SH3BP5: variants seen among roughly 807,000 people sequenced by gnomAD.
The protein encoded by SH3BP5 is SH3 domain binding protein 5, also known as SH3 domain-binding protein 5.
SH3BP5 carries 22 observed loss-of-function variants against 43.3 expected under a neutral mutation model. The observed-to-expected ratio is 0.51, with a 90% confidence interval of 0.36 to 0.73. SH3BP5 has a LOEUF of 0.73. Among genes scored for constraint, SH3BP5 ranks in the 30% least tolerant of loss-of-function variants. SH3BP5 has a pLI of 0.00. For synonymous variants in SH3BP5, 255 were observed against 225.8 expected, an observed-to-expected ratio of 1.13 and a Z score of -1.16; for missense variants, 529 against 586.9, an observed-to-expected ratio of 0.90 and a Z score of 1.02.
At chr3:15,321,933 G>A (rs532610029) in intron 2 of SH3BP5, among the ~76,000 whole-genome samples, 4 of 152,232 alleles carry the variant, frequency 2.6e-5, no homozygotes, top group African/African-American at 9.6e-5. Flanking sequence ...GGCCAGGCAC[G>A]GTGGCTCATG....
intron 2 of SH3BP5, among the ~76,000 whole-genome samples, chr3:15,313,621 C>T (rs1698113853): frequency 2.0e-5 from 3 of 152,226 alleles, no homozygotes; most frequent in African/African-American, 7.2e-5. Flanking sequence ...GCTACTAGAA[C>T]ACACAAAGAA....
chr3:15,332,215 G>T, intron 1 of SH3BP5, 56 bp downstream of exon 1: 1 of 1,546,802 alleles, frequency 6.5e-7, no homozygotes, highest in Non-Finnish European at 8.7e-7. Context: ...CGTAGACACC[G>T]ACCTCCGTAG....
Position 15,309,759 on chromosome 3 carries a change from G to C in SH3BP5, c.202-5528C>G, listed in dbSNP as rs2125119218. Among the ~76,000 whole-genome samples, 2 of 152,258 alleles carry C rather than the reference G, an allele frequency of 1.3e-5. 1 individual carries two copies. The highest frequency in any genetic ancestry group is 4.1e-4 in the South Asian group (2 of 4,822). On this transcript the variant is annotated intron_variant, in intron 2 of 8. Transcript: ENST00000383791. The stretch of plus-strand genomic sequence containing the variant: ...TGACCATCAAAGGGTATTAAACCCA[G>C]AAGACTTGATTTGACATCAGCGTTT...
chr3:15,298,786 G>A (rs910028662), intron 3 of SH3BP5, among the ~76,000 whole-genome samples: 1 of 152,132 alleles, frequency 6.6e-6, no homozygotes, highest in African/African-American at 2.4e-5. Flanking sequence ...AGTGATGGTT[G>A]CCTGAGCTTG....
At chr3:15,269,219 T>A (rs1189617615) in intron 4 of SH3BP5, among the ~76,000 whole-genome samples, 1 of 152,144 alleles carries the variant, frequency 6.6e-6, no homozygotes, top group Non-Finnish European at 1.5e-5. Context: ...GTCAACTCCC[T>A]GAATCCCAGC....
intron 3 of SH3BP5, among the ~76,000 whole-genome samples, chr3:15,299,483 AT>A (rs60281447): frequency 5.0e-3 from 460 of 92,226 alleles, no homozygotes; most frequent in South Asian, 9.1e-3. Flanking sequence ...CAACAATTAG[AT>A]TTTTTTTTTT....
intron 2 of SH3BP5, among the ~76,000 whole-genome samples, chr3:15,312,157 T>A (rs944347624): frequency 3.9e-5 from 6 of 151,926 alleles, no homozygotes; most frequent in African/African-American, 1.5e-4. Flanking sequence ...TTCAGTAGAG[T>A]TTTCCAGAAG....
At chr3:15,331,223 T>C (rs994199860) in intron 1 of SH3BP5, among the ~76,000 whole-genome samples, 1 of 152,238 alleles carries the variant, frequency 6.6e-6, no homozygotes, top group African/African-American at 2.4e-5. Flanking sequence ...AACACACGAT[T>C]TATTCCAAAC....
At chr3:15,306,387 A>G (rs542475904) in intron 2 of SH3BP5, among the ~76,000 whole-genome samples, 1 of 152,266 alleles carries the variant, frequency 6.6e-6, no homozygotes, top group Admixed American at 6.5e-5. Flanking sequence ...CTAGCTGGGC[A>G]TGGTGCCGTG....
At chr3:15,316,730 GAA>G (rs5846865) in intron 2 of SH3BP5, among the ~76,000 whole-genome samples, 39 of 147,168 alleles carry the variant, frequency 2.7e-4, no homozygotes, top group Non-Finnish European at 2.8e-4. Flanking sequence ...CTATGAAATG[GAA>G]AAAAAAAAAA....
At chr3:15,316,783 T>C (rs1245151489) in intron 2 of SH3BP5, among the ~76,000 whole-genome samples, 1 of 150,212 alleles carries the variant, frequency 6.7e-6, no homozygotes, top group Non-Finnish European at 1.5e-5. Context: ...AAAAACCTCA[T>C]GAGCCCTTTA....
intron 3 of SH3BP5, among the ~76,000 whole-genome samples, chr3:15,302,759 C>T (rs747990734): frequency 3.9e-5 from 6 of 152,120 alleles, no homozygotes; most frequent in Non-Finnish European, 8.8e-5. Context: ...TGTGCACATA[C>T]ACAGTAGGTG....
chr3:15,260,212 A>T (rs1456502553), intron 5 of SH3BP5: 2 of 221,588 alleles, frequency 9.0e-6, no homozygotes, highest in African/African-American at 4.7e-5. Context: ...GAGGCTGGAG[A>T]AGGGGCTGCT....
In SH3BP5 at chr3:15,260,955, G is replaced by A. The variant is rs911186266; in HGVS notation, c.627-1152C>T. Among the ~76,000 whole-genome samples the A allele has an allele frequency of 2.6e-5, 4 of 152,356 alleles. No individual in the cohort carries two copies. In the East Asian group the frequency reaches 7.7e-4, roughly 29 times the overall value. ...TGGATGAGTATGTGATGTGTGTGCA[G>A]TGTGAATTCGGGGTCTTTTGAGAAA... On this transcript the variant is annotated intron_variant, in intron 5 of 8. Transcript: ENST00000383791.
At chr3:15,259,832 G>A (rs1696366043) in intron 5 of SH3BP5, 29 bp from the exon 6 acceptor site, 1 of 1,608,694 alleles carries the variant, frequency 6.2e-7, no homozygotes, top group Non-Finnish European at 8.5e-7. Context: ...AAAGCCATCA[G>A]AGTAATATAA....
At chr3:15,315,576 T>A (rs1047483726) in intron 2 of SH3BP5, among the ~76,000 whole-genome samples, 1 of 152,184 alleles carries the variant, frequency 6.6e-6, no homozygotes, top group East Asian at 1.9e-4. Context: ...TTCCCTCCTC[T>A]GAGGTTAACA....
upstream of SH3BP5, among the ~76,000 whole-genome samples, chr3:15,336,326 G>A (rs1698700543): frequency 6.6e-6 from 1 of 152,100 alleles, no homozygotes; most frequent in South Asian, 2.1e-4. Flanking sequence ...GAAATCAGAG[G>A]CAAGCATGTG....
rs568822156 is a variant in SH3BP5, at chr3:15,327,889, A to G, written c.201+2615T>C. On this transcript the variant is annotated intron_variant, in intron 2 of 8. Transcript: ENST00000383791. Reference sequence around the variant, plus strand: ...AAGTGTAAAATATGCCAAAGATCTTAAAGACTTAGTACAAAAATATATGTA... The same window carrying G: ...AAGTGTAAAATATGCCAAAGATCTTGAAGACTTAGTACAAAAATATATGTA... Among the ~76,000 whole-genome samples, 5 of 152,356 alleles carry G rather than the reference A, an allele frequency of 3.3e-5. No homozygotes were observed. In the South Asian group the frequency reaches 1.0e-3, roughly 32 times the overall value.
rs562803362 is a variant in SH3BP5, at chr3:15,312,268, G to A, written c.202-8037C>T. ...CCAGACATTAAAAAGACTTGCGAAA[G>A]CATGTACAACAATTACTCTTTCATT... On this transcript the variant is annotated intron_variant, in intron 2 of 8. Transcript: ENST00000383791. Among the ~76,000 whole-genome samples, 10 of 152,274 alleles carry A rather than the reference G, an allele frequency of 6.6e-5. No homozygotes were observed. In the South Asian group the frequency reaches 1.0e-3, roughly 16 times the overall value.
Sources: allele counts gnomAD v4.1 joint callset (sites outside exome capture counted in the v4.1 genomes callset), GRCh38; gene constraint gnomAD v4.1.1; transcripts MANE v1.5; gene names NCBI Gene and HGNC (gene_info 2026-07-23, HGNC 2026-07-21).